The following THSD4 variants were observed in gnomAD, a reference collection of about 807,000 sequenced individuals.
THSD4 encodes thrombospondin type 1 domain containing 4.
Under a neutral mutation model 119.0 loss-of-function variants are expected in THSD4, and 69 were observed. The observed-to-expected ratio is 0.58, with a 90% CI of 0.48 to 0.71. The LOEUF is 0.71. Among genes scored for constraint, THSD4 ranks in the 30% least tolerant of loss-of-function variants. The probability of loss-of-function intolerance (pLI) is 0.00; values close to 1 mark genes in which losing one functional copy is unlikely to be tolerated. For missense variants in THSD4, 1,393 were observed against 1,391.1 expected (o/e 1.00, Z -0.02); for synonymous variants, 524 against 540.4 (o/e 0.97, Z 0.42).
intron 4 of THSD4, among the ~76,000 whole-genome samples, chr15:71,238,307 T>C (rs1354737758): frequency 6.6e-6 from 1 of 152,248 alleles, no homozygotes; most frequent in African/African-American, 2.4e-5. Flanking sequence ...AAAAAAACTT[T>C]ATTGAGATAT....
intron 1 of THSD4, among the ~76,000 whole-genome samples, chr15:71,107,574 C>T (rs1204575580): frequency 1.3e-5 from 2 of 152,178 alleles, no homozygotes; most frequent in Non-Finnish European, 2.9e-5. Flanking sequence ...GTGGTATTTT[C>T]CACTCACAGG....
At chr15:71,103,837 C>T (rs112633008) in intron 1 of THSD4, among the ~76,000 whole-genome samples, 9 of 152,128 alleles carry the variant, frequency 5.9e-5, no homozygotes, top group African/African-American at 2.2e-4. Context: ...TCAGAATCTC[C>T]TTTCTTGTGT....
At chr15:71,735,059 A>G (rs72744655) in intron 10 of THSD4, among the ~76,000 whole-genome samples, 23,821 of 152,016 alleles carry the variant, frequency 0.16, 2,141 homozygotes, top group Middle Eastern at 0.22. Flanking sequence ...AGATAATTCA[A>G]TCGCAGTCTG....
intron 4 of THSD4, among the ~76,000 whole-genome samples, chr15:71,241,260 C>T (rs749189978): frequency 2.0e-5 from 3 of 152,210 alleles, no homozygotes; most frequent in Non-Finnish European, 4.4e-5. Context: ...TAATCCAGCT[C>T]AGTCATCTTA....
rs1362624445 is a variant in THSD4 at position 71,553,093 on chromosome 15, A to G, written c.1153-107437A>G. On this transcript the variant is annotated intron_variant, in intron 7 of 17. Transcript: ENST00000261862. Reference sequence around the variant, plus strand: ...TTAACAATTTAGCATCTGTCCTTCTAGAACCATTCTTGTACATTTATAAAC... The same window carrying G: ...TTAACAATTTAGCATCTGTCCTTCTGGAACCATTCTTGTACATTTATAAAC... Among the ~76,000 whole-genome samples the G allele has an allele frequency of 2.6e-5, 4 of 152,214 alleles. No individual in the cohort carries two copies. The South Asian group carries it at 6.2e-4, about 24-fold the overall frequency.
intron 7 of THSD4, among the ~76,000 whole-genome samples, chr15:71,452,563 C>A (rs1055288910): frequency 3.3e-5 from 5 of 151,936 alleles, no homozygotes; most frequent in African/African-American, 1.2e-4. Context: ...AAGCCCTAAC[C>A]CCAAGGTGAT....
chr15:71,479,180 CTTTTTTTT>C (rs5813637), intron 7 of THSD4, among the ~76,000 whole-genome samples: 2 of 80,142 alleles, frequency 2.5e-5, no homozygotes, highest in African/African-American at 1.0e-4. Context: ...TTTCTTCTGC[CTTTTTTTT>C]TTTTTTTTTT....
intron 6 of THSD4, among the ~76,000 whole-genome samples, chr15:71,349,218 A>T (rs765277649): frequency 5.3e-5 from 8 of 152,258 alleles, no homozygotes; most frequent in Non-Finnish European, 1.0e-4. Flanking sequence ...ACTCTGAGTT[A>T]CAGGGATTAA....
intron 7 of THSD4, among the ~76,000 whole-genome samples, chr15:71,464,726 A>G (rs1415242643): frequency 6.6e-6 from 1 of 152,202 alleles, no homozygotes; most frequent in East Asian, 1.9e-4. Flanking sequence ...TTCCTCTGCC[A>G]TAATTTTCCC....
rs770439227 is a variant in THSD4, at chr15:71,757,958, C to T, written c.2472C>T (p.Asn824=). The T allele has an allele frequency of 3.7e-6, 6 of 1,614,050 alleles. No individual in the cohort carries two copies. The highest frequency in any genetic ancestry group is 2.5e-6 in the Non-Finnish European group (3 of 1,180,032). The change falls in exon 15 of 18, where the codon AAC becomes AAT. Residue 824 remains asparagine, a synonymous_variant. Transcript: ENST00000261862. ...VRTRSVVCMT[N]HVSSLPLEGC... Reference sequence around the variant, plus strand: ...CACGCTCGGTGGTGTGCATGACCAACCATGTCAGCAGCCTGCCCCTGGAGG... The same window carrying T: ...CACGCTCGGTGGTGTGCATGACCAATCATGTCAGCAGCCTGCCCCTGGAGG...
chr15:71,354,383 G>A (rs1369236763), intron 6 of THSD4, among the ~76,000 whole-genome samples: 16 of 152,224 alleles, frequency 1.1e-4, no homozygotes, highest in Admixed American at 9.8e-4. Context: ...CCAGAAGAGA[G>A]AGTGTTAAGC....
chr15:71,146,313 G>T (rs759112548), intron 2 of THSD4, among the ~76,000 whole-genome samples: 2 of 152,152 alleles, frequency 1.3e-5, no homozygotes, highest in Admixed American at 1.3e-4. Flanking sequence ...TTCCATTTGG[G>T]TTTCTTTAAA....
chr15:71,375,610 A>T (rs181426860), intron 6 of THSD4, among the ~76,000 whole-genome samples: 19 of 152,222 alleles, frequency 1.2e-4, no homozygotes, highest in African/African-American at 4.1e-4. Context: ...CTGTGAGTGG[A>T]GTTGGAAGGG....
intron 8 of THSD4, among the ~76,000 whole-genome samples, chr15:71,683,584 C>G (rs2051842781): frequency 6.6e-6 from 1 of 152,154 alleles, no homozygotes; most frequent in African/African-American, 2.4e-5. Context: ...GTTAGGTTGT[C>G]AATGTCTTAA....
At chr15:71,507,310 T>C (rs2048205439) in intron 7 of THSD4, among the ~76,000 whole-genome samples, 1 of 152,206 alleles carries the variant, frequency 6.6e-6, no homozygotes, top group Non-Finnish European at 1.5e-5. Context: ...TCTGAGTTTC[T>C]TACTTGGGGT....
At chr15:71,399,317 C>CA (rs1173532310) in intron 6 of THSD4, among the ~76,000 whole-genome samples, 9 of 151,950 alleles carry the variant, frequency 5.9e-5, no homozygotes, top group Admixed American at 2.0e-4. Flanking sequence ...AGTAGGTGCT[C>CA]AAAAAACACT....
In THSD4 at chr15:71,261,996, G is replaced by A. The variant is rs532724819; in HGVS notation, c.1015+5281G>A. Among the ~76,000 whole-genome samples, 25 of 152,196 alleles carry A rather than the reference G, an allele frequency of 1.6e-4. No individual in the cohort carries two copies. In the South Asian group the frequency reaches 5.0e-3, roughly 30 times the overall value. ...CTCTTAAATGGCTCCCAGGCTGACC[G>A]GCGGGAGGAAGACACTGCTAATGCT... On this transcript the variant is annotated intron_variant, in intron 6 of 17. Transcript: ENST00000261862.
chr15:71,755,804 T>A (rs185335686), intron 14 of THSD4, among the ~76,000 whole-genome samples: 240 of 150,536 alleles, frequency 1.6e-3, no homozygotes, highest in Middle Eastern at 7.0e-3. Context: ...TTCCAAGGCT[T>A]GAAAGAACAT....
At chr15:71,259,437 G>T (rs145107900) in intron 6 of THSD4, among the ~76,000 whole-genome samples, 31 of 152,330 alleles carry the variant, frequency 2.0e-4, no homozygotes, top group African/African-American at 6.5e-4. Context: ...GAAGGAACAA[G>T]GTTCTGGATT....
Sources: gnomAD v4.1 joint callset for allele counts (sites outside exome capture counted in the v4.1 genomes callset) on GRCh38, gnomAD v4.1.1 for gene constraint, MANE v1.5 for transcripts, NCBI Gene and HGNC (gene_info 2026-07-23, HGNC 2026-07-21) for gene names.